The following SHROOM4 variants were observed in gnomAD, a reference collection of about 807,000 sequenced individuals.
The protein encoded by SHROOM4 is shroom family member 4.
SHROOM4 carries 17 observed loss-of-function variants against 80.3 expected under a neutral mutation model. The observed-to-expected ratio is 0.21, with a 90% confidence interval of 0.14 to 0.32. The LOEUF is 0.32. Ranked by LOEUF, SHROOM4 falls within the 10% of genes least tolerant of loss-of-function variation. SHROOM4 has a pLI of 1.00. For missense variants in SHROOM4, 993 were observed against 1,140.3 expected, an observed-to-expected ratio of 0.87 and a Z score of 1.86; for synonymous variants, 400 against 437.5, an observed-to-expected ratio of 0.91 and a Z score of 1.07.
At chrX:50,795,353 C>A (rs1935989314) in intron 1 of SHROOM4, among the ~76,000 whole-genome samples, 1 of 108,084 alleles carries the variant, frequency 9.3e-6, no homozygotes, top group South Asian at 3.9e-4. Flanking sequence ...AATCTCAAGT[C>A]TTTCAGAAGT....
At chrX:50,599,710 TTTC>T (rs782563447) in intron 7 of SHROOM4, among the ~76,000 whole-genome samples, 2 of 111,692 alleles carry the variant, frequency 1.8e-5, no homozygotes, top group South Asian at 7.6e-4. Context: ...TCTTTATCTC[TTTC>T]TTCATTTTGA....
At chrX:50,661,078 T>C (rs1557259936) in intron 2 of SHROOM4, among the ~76,000 whole-genome samples, 1 of 111,655 alleles carries the variant, frequency 9.0e-6, no homozygotes, top group Non-Finnish European at 1.9e-5. Context: ...CCATATCAGA[T>C]GCAAAACCTT....
At chrX:50,641,591 A>G (rs781824481) in intron 2 of SHROOM4, among the ~76,000 whole-genome samples, 2 of 110,716 alleles carry the variant, frequency 1.8e-5, no homozygotes. Flanking sequence ...ACTGTGAAAC[A>G]TACCTTACAA....
chrX:50,805,582 A>T (rs1421697955), intron 1 of SHROOM4, among the ~76,000 whole-genome samples: 1 of 111,764 alleles, frequency 8.9e-6, no homozygotes, highest in Non-Finnish European at 1.9e-5. Context: ...CTAGAAAGAT[A>T]GGAAGTAGGA....
chrX:50,624,613 CT>C (rs36097095), intron 5 of SHROOM4, among the ~76,000 whole-genome samples: 316 of 92,381 alleles, frequency 3.4e-3, no homozygotes, highest in African/African-American at 5.1e-3. Flanking sequence ...ATCTTTTTAT[CT>C]TTTTTTTTTT....
At chrX:50,651,995 G>A (rs781932012) in intron 2 of SHROOM4, among the ~76,000 whole-genome samples, 1 of 111,656 alleles carries the variant, frequency 9.0e-6, no homozygotes, top group Admixed American at 9.5e-5. Context: ...ATGGGCATTT[G>A]GGTTGGTTCC....
At position 50,633,454 on chromosome X, in the gene SHROOM4, C is replaced by T; in HGVS notation, c.2619G>A (p.Lys873=). 5 of 1,211,869 alleles carry T rather than the reference C, an allele frequency of 4.1e-6. No individual in the cohort carries two copies. The highest frequency in any genetic ancestry group is 5.6e-6 in the Non-Finnish European group (5 of 895,525). The change falls in exon 4 of 9, where the codon AAG becomes AAA. Residue 873 remains lysine (K), a synonymous_variant. Transcript: ENST00000376020. ...SKGLENSMCC[K]PLHCGDFDYH... is the part of the protein sequence containing the mutation. ...AATCAAAATCACCACAGTGTAGTGG[C>T]TTACAACACATGGAATTTTCTAGAC...
At chrX:50,784,125 G>A (rs1421055624) in intron 1 of SHROOM4, among the ~76,000 whole-genome samples, 1 of 111,412 alleles carries the variant, frequency 9.0e-6, no homozygotes, top group East Asian at 2.8e-4. Context: ...AGTAGAAAAA[G>A]GATAATCTTT....
intron 5 of SHROOM4, among the ~76,000 whole-genome samples, chrX:50,625,360 C>G (rs146489822): frequency 1.8e-5 from 2 of 111,490 alleles, no homozygotes; most frequent in East Asian, 5.6e-4. Context: ...CTTGAGGAAG[C>G]CTGCATAGCA....
intron 1 of SHROOM4, among the ~76,000 whole-genome samples, chrX:50,805,249 C>G (rs782706949): frequency 9.0e-6 from 1 of 111,383 alleles, no homozygotes; most frequent in Non-Finnish European, 1.9e-5. Flanking sequence ...CTAGCTCTAC[C>G]TCATCTCACC....
rs1025889835 is a variant in SHROOM4, at chrX:50,697,907, T to G, written c.118-1970A>C. 1.2e-4 allele frequency among the ~76,000 whole-genome samples: 14 copies of G among 112,136 alleles called. No homozygotes were observed. In the Admixed American group the frequency reaches 1.3e-3, roughly 11 times the overall value. On this transcript the variant is annotated intron_variant, in intron 1 of 8. Coordinates refer to ENST00000376020, the MANE Select transcript of SHROOM4 (RefSeq NM_020717.5). ...AGGCCCTTAGCACCAGTCAGAACTT[T>G]CAACAGGGATCAGCCATTTGAAAGA... is the stretch of plus-strand genomic sequence containing the variant.
intron 1 of SHROOM4, among the ~76,000 whole-genome samples, chrX:50,706,822 A>C (rs183513514): frequency 9.0e-6 from 1 of 111,616 alleles, no homozygotes; most frequent in Admixed American, 9.5e-5. Context: ...TGAATGTTAG[A>C]CTCTCAATTT....
At chrX:50,693,217 T>G (rs782496037) in intron 2 of SHROOM4, among the ~76,000 whole-genome samples, 1 of 111,094 alleles carries the variant, frequency 9.0e-6, no homozygotes, top group African/African-American at 3.3e-5. Context: ...AAGAGCCTGG[T>G]TTTTAAAAAA....
At chrX:50,580,787 TCAAA>T in the SHROOM4 span, among the ~76,000 whole-genome samples, 11 of 111,588 alleles carry the variant, frequency 9.9e-5, no homozygotes, top group South Asian at 3.8e-4. Context: ...AGACCCCACC[TCAAA>T]CAAACAAACA....
intron 1 of SHROOM4, among the ~76,000 whole-genome samples, chrX:50,738,627 G>T (rs1421098940): frequency 2.7e-5 from 3 of 111,357 alleles, no homozygotes; most frequent in African/African-American, 9.8e-5. Context: ...CACAAGGGAT[G>T]TGAAGGACCT....
At chrX:50,616,234 T>C (rs1219861815) in intron 5 of SHROOM4, among the ~76,000 whole-genome samples, 1 of 111,959 alleles carries the variant, frequency 8.9e-6, no homozygotes, top group African/African-American at 3.2e-5. Context: ...GTCAGTTCCC[T>C]TTTTCTTCAT....
intron 4 of SHROOM4, among the ~76,000 whole-genome samples, chrX:50,630,169 C>T (rs1258825309): frequency 9.0e-6 from 1 of 111,089 alleles, no homozygotes; most frequent in African/African-American, 3.3e-5. Flanking sequence ...ATCGTACCTC[C>T]ATCTCTTATA....
chrX:50,717,343 C>T (rs962407810), intron 1 of SHROOM4, among the ~76,000 whole-genome samples: 1 of 111,718 alleles, frequency 9.0e-6, no homozygotes, highest in South Asian at 3.8e-4. Context: ...TCAGCCTCCC[C>T]AGTAGCTGGG....
At chrX:50,751,438 G>A (rs959763942) in intron 1 of SHROOM4, among the ~76,000 whole-genome samples, 19 of 111,931 alleles carry the variant, frequency 1.7e-4, no homozygotes, top group Non-Finnish European at 3.6e-4. Flanking sequence ...TATCACTAGG[G>A]CAAAAAAATA....
Sources: allele counts gnomAD v4.1 joint callset (sites outside exome capture counted in the v4.1 genomes callset), GRCh38; gene constraint gnomAD v4.1.1; transcripts MANE v1.5; gene names NCBI Gene and HGNC (gene_info 2026-07-23, HGNC 2026-07-21).